The following GMPS variants were observed in gnomAD, a reference collection of about 807,000 sequenced individuals.
GMPS encodes the protein guanosine monophosphate synthase.
A neutral mutation model predicts 77.9 loss-of-function variants in GMPS; 15 were observed. That is an observed-to-expected ratio of 0.19 (90% CI 0.13 to 0.30). GMPS has a LOEUF of 0.30. GMPS is among the 10% of genes least tolerant of loss of function. The pLI is 1.00. For synonymous variants in GMPS, 224 were observed against 275.9 expected (o/e 0.81, Z 1.86); for missense variants, 590 against 838.8 (o/e 0.70, Z 3.66).
intron 2 of GMPS, among the ~76,000 whole-genome samples, chr3:155,895,176 T>C (rs1282744029): frequency 1.3e-5 from 2 of 152,234 alleles, no homozygotes; most frequent in East Asian, 3.8e-4. Flanking sequence ...CCTTATGTAG[T>C]AGGAGAATAG....
intron 1 of GMPS, among the ~76,000 whole-genome samples, chr3:155,871,442 C>A (rs1190740058): frequency 6.6e-6 from 1 of 152,146 alleles, no homozygotes; most frequent in Non-Finnish European, 1.5e-5. Context: ...CCGCTCCATT[C>A]CCCCCGCCAG....
chr3:155,895,179 G>T (rs1754572155), intron 2 of GMPS, among the ~76,000 whole-genome samples: 1 of 152,188 alleles, frequency 6.6e-6, no homozygotes, highest in Admixed American at 6.5e-5. Context: ...TATGTAGTAG[G>T]AGAATAGAAA....
chr3:155,901,899 T>G (rs756456123), intron 3 of GMPS, among the ~76,000 whole-genome samples: 5 of 152,296 alleles, frequency 3.3e-5, no homozygotes, highest in Non-Finnish European at 7.4e-5. Flanking sequence ...TTGTGACTTG[T>G]CTCTTCACTC....
At chr3:155,911,035 T>C (rs939295612) in intron 6 of GMPS, 79 bp from the exon 7 acceptor site, 8 of 1,249,164 alleles carry the variant, frequency 6.4e-6, no homozygotes, top group Non-Finnish European at 6.8e-6. Flanking sequence ...ATAGCACTTT[T>C]AGATAAAGAT....
At chr3:155,914,181 C>T (rs1255239458) in intron 7 of GMPS, among the ~76,000 whole-genome samples, 1 of 150,608 alleles carries the variant, frequency 6.6e-6, no homozygotes, top group Non-Finnish European at 1.5e-5. Flanking sequence ...CTCCTGACCT[C>T]GTGATCCACC....
At chr3:155,927,288 T>C (rs142311850) in intron 12 of GMPS, among the ~76,000 whole-genome samples, 205 of 152,306 alleles carry the variant, frequency 1.3e-3, no homozygotes, top group African/African-American at 4.6e-3. Flanking sequence ...CCCTAATATA[T>C]AAAAATAGAA....
At chr3:155,918,854 TTC>T (rs1212861289) in intron 9 of GMPS, among the ~76,000 whole-genome samples, 1 of 152,210 alleles carries the variant, frequency 6.6e-6, no homozygotes, top group Non-Finnish European at 1.5e-5. Context: ...TGCAAATGTC[TTC>T]TCTAGTTCTG....
At chr3:155,881,801 C>A (rs1051985022) in intron 1 of GMPS, among the ~76,000 whole-genome samples, 4 of 152,116 alleles carry the variant, frequency 2.6e-5, no homozygotes, top group Non-Finnish European at 4.4e-5. Context: ...CCTGGTGGCT[C>A]ACACCTGCAA....
intron 11 of GMPS, among the ~76,000 whole-genome samples, chr3:155,923,609 T>C (rs1755376982): frequency 6.6e-6 from 1 of 151,968 alleles, no homozygotes; most frequent in African/African-American, 2.4e-5. Flanking sequence ...CAAGAGAAAA[T>C]AATTAACTGT....
intron 1 of GMPS, among the ~76,000 whole-genome samples, chr3:155,880,835 A>C (rs980800930): frequency 1.3e-5 from 2 of 152,108 alleles, no homozygotes; most frequent in African/African-American, 4.8e-5. Context: ...CTAGAGGTTA[A>C]TAGTGCTTCT....
chr3:155,902,794 T>G (rs974650247), intron 3 of GMPS, among the ~76,000 whole-genome samples: 1 of 152,198 alleles, frequency 6.6e-6, no homozygotes, highest in East Asian at 1.9e-4. Context: ...AGGGAAATGA[T>G]TAGACTGTAG....
intron 2 of GMPS, among the ~76,000 whole-genome samples, chr3:155,896,600 T>C (rs886695760): frequency 6.6e-6 from 1 of 152,050 alleles, no homozygotes; most frequent in Admixed American, 6.6e-5. Context: ...TTTAAATTTT[T>C]TGTAGACATG....
chr3:155,895,332 G>GT (rs1322845652), intron 2 of GMPS: 1 of 151,846 alleles, frequency 6.6e-6, no homozygotes, highest in African/African-American at 2.4e-5. Flanking sequence ...TTGAGATGGA[G>GT]TCTCACTCTG....
chr3:155,918,924 A>G (rs1050420251), intron 9 of GMPS, among the ~76,000 whole-genome samples: 1 of 152,198 alleles, frequency 6.6e-6, no homozygotes, highest in Non-Finnish European at 1.5e-5. Context: ...TTGGAACACT[A>G]GTATATTTTC....
rs1325632588 is a variant in GMPS at position 155,943,696 on chromosome 3, TG to T, written c.*6005del. ...AATGTGAAATGACTTTAATCCCTTT[TG>T]TCTTCAATATACTTCATAAAGGAGG... On this transcript the variant is annotated 3_prime_UTR_variant, in exon 16 of 16. Transcript: ENST00000496455. 2 of 171,686 alleles carry T rather than the reference TG, an allele frequency of 1.2e-5. No individual in the cohort carries two copies. The highest frequency in any genetic ancestry group is 4.8e-5 in the African/African-American group (2 of 42,076). The allele number at this position is 171,686 out of a possible 1,614,324, so 10.6% of individuals were successfully genotyped here.
Position 155,914,440 on chromosome 3 carries a change from T to C in GMPS, c.908T>C (p.Phe303Ser). The part of the protein sequence containing the change: ...QVKVINAAHS[F>S]YNGTTTLPIS... ...CCAGTGATAAATGCTGCTCATTCTT[T>C]CTACAATGGAACAACAACCCTACCA... Residue 303 changes from phenylalanine to serine, a missense_variant, in exon 8 of 16, where the codon TTC (phenylalanine) becomes TCC (serine). Around this residue, in one of 6 missense-constraint regions of GMPS, gnomAD observed 181 missense variants for 186.8 expected, o/e 0.97. Coordinates refer to ENST00000496455, the MANE Select transcript of GMPS (RefSeq NM_003875.3). 6.3e-7 allele frequency: 1 copy of C among 1,576,682 alleles called. No individual in the cohort carries two copies. Among genetic ancestry groups the C allele is most frequent in the Non-Finnish European group, 8.6e-7 (1 of 1,167,146 alleles).
chr3:155,889,920 A>G lies in GMPS; in HGVS notation c.28-3598A>G, dbSNP rs564849392. Reference sequence around the variant, plus strand: ...GTAAATAGATATGGTAGATTTTTCTATCTTGTGATGCTGAATTTTATTTGT... The same window carrying G: ...GTAAATAGATATGGTAGATTTTTCTGTCTTGTGATGCTGAATTTTATTTGT... On this transcript the variant is annotated intron_variant, in intron 1 of 15. Transcript: ENST00000496455. Among the ~76,000 whole-genome samples, 443 of 152,248 alleles carry G rather than the reference A, an allele frequency of 2.9e-3. 1 individual carries two copies. The highest frequency in any genetic ancestry group is 5.1e-3 in the Non-Finnish European group (346 of 68,002).
In GMPS at chr3:155,898,303, A is replaced by G. The variant is rs144091106; in HGVS notation, c.324+262A>G. ...AAACCTTGGACATGCAAATTTACATAAAATTTTCAGAAATAGTACATAGAG... is the reference window on the plus strand; with the variant it reads ...AAACCTTGGACATGCAAATTTACATGAAATTTTCAGAAATAGTACATAGAG... On this transcript the variant is annotated intron_variant, in intron 3 of 15. Transcript: ENST00000496455. Among the ~76,000 whole-genome samples the G allele has an allele frequency of 1.9e-3, 289 of 152,350 alleles. 5 individuals are homozygous for G. The highest frequency in any genetic ancestry group is 2.4e-3 in the Non-Finnish European group (164 of 68,018).
At position 155,886,611 on chromosome 3, in the gene GMPS, C is replaced by CTTTTTTTTTTTT. The variant is rs58367815; in HGVS notation, c.28-6891_28-6880dup. 2.0e-4 allele frequency among the ~76,000 whole-genome samples: 16 copies of CTTTTTTTTTTTT among 78,050 alleles called. 1 individual carries two copies. Among genetic ancestry groups the CTTTTTTTTTTTT allele is most frequent in the East Asian group, 9.7e-4 (2 of 2,070 alleles). The allele number at this position is 78,050 out of a possible 152,430, so 51.2% of individuals were successfully genotyped here. ...AATCTAGCATGTCTATTCCTGATGA[C>CTTTTTTTTTTTT]TTTTTTTTTTTTTTTTTTTTTTTTT... On this transcript the variant is annotated intron_variant, in intron 1 of 15. Transcript: ENST00000496455.
Sources: allele counts gnomAD v4.1 joint callset (sites outside exome capture counted in the v4.1 genomes callset), GRCh38; gene constraint gnomAD v4.1.1; regional missense constraint gnomAD v4.1.1; transcripts MANE v1.5; gene names NCBI Gene and HGNC (gene_info 2026-07-23, HGNC 2026-07-21).